The following CACNA1I variants were observed in gnomAD, a reference collection of about 807,000 sequenced individuals.
The protein encoded by CACNA1I is calcium voltage-gated channel subunit alpha1 I.
A neutral mutation model predicts 201.6 loss-of-function variants in CACNA1I; 74 were observed. That is an observed-to-expected ratio of 0.37 (90% CI 0.30 to 0.45). The LOEUF (loss-of-function observed/expected upper bound fraction) is 0.45. CACNA1I is among the 20% of genes least tolerant of loss of function. The pLI, the probability that CACNA1I is intolerant of heterozygous loss-of-function variation, is 1.00. For missense variants in CACNA1I, 2,346 were observed against 3,138.1 expected (o/e 0.75, Z 6.03); for synonymous variants, 1,431 against 1,345.2 (o/e 1.06, Z -1.40).
rs1935208196 is a variant in CACNA1I at position 39,666,688 on chromosome 22, A to G, written c.4104+682A>G. Among the ~76,000 whole-genome samples, 1 of 152,198 alleles carries G rather than the reference A, an allele frequency of 6.6e-6. No homozygotes were observed. Among genetic ancestry groups the G allele is most frequent in the South Asian group, 2.1e-4 (1 of 4,830 alleles). On this transcript the variant is annotated intron_variant, in intron 23 of 36. Transcript: ENST00000402142. This position sits in a 1 kb window ranked among gnomAD's most constrained non-coding sequence, Gnocchi z 4.1. ...TCCAGACGTAGGCGTGCCTTGCCCC[A>G]GGGCACACAGGGAGGAGCAGGCTCC...
chr22:39,654,331 G>A (rs185186790), intron 10 of CACNA1I, among the ~76,000 whole-genome samples: 1 of 152,328 alleles, frequency 6.6e-6, no homozygotes, highest in African/African-American at 2.4e-5. Flanking sequence ...AGCTGGGCAG[G>A]GCTGCCCTGC....
intron 1 of CACNA1I, among the ~76,000 whole-genome samples, chr22:39,589,144 C>G (rs182516052): frequency 2.0e-5 from 3 of 152,284 alleles, no homozygotes; most frequent in African/African-American, 7.2e-5. Context: ...CAGACACGGC[C>G]AAATGTCCCT....
intron 4 of CACNA1I, among the ~76,000 whole-genome samples, chr22:39,620,053 A>ATCCATCCATCCC (rs57332853): frequency 1.1e-5 from 1 of 89,516 alleles, no homozygotes; most frequent in Non-Finnish European, 2.4e-5. Context: ...CCATCCATCC[A>ATCCATCCATCCC]CCCACCCACC....
intron 23 of CACNA1I, 140 bp from the exon 24 acceptor site, chr22:39,668,152 G>A (rs1935253459): frequency 4.9e-6 from 3 of 606,994 alleles, no homozygotes; most frequent in South Asian, 4.1e-5. Flanking sequence ...TTGGACGAGG[G>A]CACAGCTCTG....
chr22:39,584,395 C>A (rs534096354), intron 1 of CACNA1I, among the ~76,000 whole-genome samples: 7 of 152,200 alleles, frequency 4.6e-5, no homozygotes, highest in Non-Finnish European at 8.8e-5. Flanking sequence ...CTCTTCTGGA[C>A]GTGATGAATC....
chr22:39,603,682 T>TA (rs1275107061), intron 3 of CACNA1I, among the ~76,000 whole-genome samples: 2 of 152,110 alleles, frequency 1.3e-5, no homozygotes, highest in East Asian at 1.9e-4. Flanking sequence ...TCTGAAAAGG[T>TA]AAAAAAAGTG....
Position 39,659,933 on chromosome 22 carries a change from A to G in CACNA1I, c.2604+81A>G. 2 of 1,538,136 alleles carry G rather than the reference A, an allele frequency of 1.3e-6. No homozygotes were observed. The highest frequency in any genetic ancestry group is 1.8e-6 in the Non-Finnish European group (2 of 1,117,332). On this transcript the variant is annotated intron_variant, in intron 14 of 36. Coordinates refer to ENST00000402142, the MANE Select transcript of CACNA1I (RefSeq NM_021096.4). This position sits in a 1 kb window ranked among gnomAD's most constrained non-coding sequence, Gnocchi z 4.3. ...GAGGGAGAGGTGGCCTGGATGGGGGAGGGCTGCAATTCAAACTTCTAGCAG... is the reference window on the plus strand; with the variant it reads ...GAGGGAGAGGTGGCCTGGATGGGGGGGGGCTGCAATTCAAACTTCTAGCAG...
intron 2 of CACNA1I, among the ~76,000 whole-genome samples, chr22:39,598,941 GTTTTTTTTTTTTT>G (rs3044380): frequency 1.5e-5 from 1 of 68,242 alleles, no homozygotes; most frequent in African/African-American, 6.4e-5. Context: ...TGCCTCTTGG[GTTTTTTTTTTTTT>G]TTTTTTTTTT....
chr22:39,674,210 C>T (rs978596462), intron 29 of CACNA1I, among the ~76,000 whole-genome samples, 177 bp downstream of exon 29: 1 of 152,196 alleles, frequency 6.6e-6, no homozygotes, highest in African/African-American at 2.4e-5. Context: ...CTTTATGCCT[C>T]TTTCTTCCAG....
intron 7 of CACNA1I, among the ~76,000 whole-genome samples, chr22:39,645,508 C>T (rs1934462843): frequency 6.6e-6 from 1 of 152,124 alleles, no homozygotes; most frequent in Non-Finnish European, 1.5e-5. Flanking sequence ...GGGAGGCTCC[C>T]CAGGAAATGC....
rs777665583 is a variant in CACNA1I, at chr22:39,662,106, G to T, written c.3043G>T (p.Ala1015Ser). ...GCTCTCTGCGGAGCGCGGCGGCGGCGCCCGGGTCTGCGAGGTTGCCGCGGA... is the reference window on the plus strand; with the variant it reads ...GCTCTCTGCGGAGCGCGGCGGCGGCTCCCGGGTCTGCGAGGTTGCCGCGGA... ...SLLSAERGGG[A>S]RVCEVAADEG... is the part of the protein sequence containing the mutation. The change falls in exon 17 of 37, where the codon GCC becomes TCC. Residue 1015 changes from alanine to serine, a missense_variant. Around this residue, in one of 13 missense-constraint regions of CACNA1I, gnomAD observed 288 missense variants for 255.2 expected, o/e 1.13. Transcript: ENST00000402142. The T allele has an allele frequency of 1.2e-5, 19 of 1,526,960 alleles. No individual in the cohort carries two copies. Among genetic ancestry groups the T allele is most frequent in the Non-Finnish European group, 1.6e-5 (18 of 1,141,370 alleles). The allele number at this position is 1,526,960 out of a possible 1,614,324, so 94.6% of individuals were successfully genotyped here.
At chr22:39,595,376 C>G (rs1185644801) in intron 1 of CACNA1I, among the ~76,000 whole-genome samples, 1 of 152,072 alleles carries the variant, frequency 6.6e-6, no homozygotes, top group African/African-American at 2.4e-5. Context: ...GTAATCCCAG[C>G]ACTTTGGGAG....
Position 39,659,094 on chromosome 22 carries a change from A to C in CACNA1I, c.2308A>C (p.Met770Leu), listed in dbSNP as rs2146445266. The change falls in exon 12 of 37, where the codon ATG becomes CTG. Residue 770 changes from methionine to leucine, a missense_variant. Physicochemically the swap from Met to Leu is conservative, Grantham distance 15 (BLOSUM62 2). Around this residue, in one of 13 missense-constraint regions of CACNA1I, gnomAD observed 155 missense variants for 300.8 expected, o/e 0.52. Coordinates refer to ENST00000402142, the MANE Select transcript of CACNA1I (RefSeq NM_021096.4). This position sits in a 1 kb window ranked among gnomAD's most constrained non-coding sequence, Gnocchi z 4.3. ...CGTGGCCACCTTCTGCATGCTGCTCATGCTCTTCATCTTCATCTTCAGGTG... is the reference window on the plus strand; with the variant it reads ...CGTGGCCACCTTCTGCATGCTGCTCCTGCTCTTCATCTTCATCTTCAGGTG... ...DNVATFCMLL[M>L]LFIFIFSILG... is the part of the protein sequence containing the mutation. The C allele has an allele frequency of 1.9e-6, 3 of 1,613,068 alleles. No homozygotes were observed. The highest frequency in any genetic ancestry group is 4.5e-5 in the East Asian group (2 of 44,870).
Position 39,684,793 on chromosome 22 carries a change from G to A in CACNA1I, c.6027+295G>A. On this transcript the variant is annotated intron_variant, in intron 36 of 36. Coordinates refer to ENST00000402142, the MANE Select transcript of CACNA1I (RefSeq NM_021096.4). This position sits in a 1 kb window ranked among gnomAD's most constrained non-coding sequence, Gnocchi z 4.6. ...AGCTTGAGGGGAGGGGAGGAGAGGA[G>A]GAGGAGTACTGGAGGTTTTGCAGGG... 1 of 587,916 alleles carries A rather than the reference G, an allele frequency of 1.7e-6. No homozygotes were observed. The highest frequency in any genetic ancestry group is 2.1e-5 in the South Asian group (1 of 46,974). 36.4% of individuals were successfully genotyped at this position (587,916 alleles called of 1,614,324 possible). A position where few individuals can be genotyped will look rare whatever the true frequency, so the allele number is the denominator to read the frequency against.
intron 3 of CACNA1I, among the ~76,000 whole-genome samples, chr22:39,610,970 T>C (rs1933370481): frequency 6.6e-6 from 1 of 152,120 alleles, no homozygotes; most frequent in African/African-American, 2.4e-5. Flanking sequence ...GCAGAGCTCC[T>C]ATAGGCCAGA....
chr22:39,585,726 A>ATTTTTTTTTT (rs1439172512), intron 1 of CACNA1I, among the ~76,000 whole-genome samples: 1 of 68,268 alleles, frequency 1.5e-5, no homozygotes, highest in Non-Finnish European at 2.9e-5. Context: ...AAACTTTTAA[A>ATTTTTTTTTT]GTTTTTTTTT....
At position 39,663,741 on chromosome 22, in the gene CACNA1I, T is replaced by C. The variant is rs766232777; in HGVS notation, c.3497T>C (p.Ile1166Thr). The C allele has an allele frequency of 1.9e-6, 2 of 1,047,888 alleles. No homozygotes were observed. Among genetic ancestry groups the C allele is most frequent in the Non-Finnish European group, 2.8e-6 (2 of 724,130 alleles). The allele number at this position is 1,047,888 out of a possible 1,614,324, so 64.9% of individuals were successfully genotyped here. A position where few individuals can be genotyped will look rare whatever the true frequency, so the allele number is the denominator to read the frequency against. ...ENRFRVLCQT[I>T]IAHKLFDYVV... ...AGGTTCCGGGTCCTGTGTCAGACCA[T>C]TATTGCCCACAAACTCTTCGACTAC... Residue 1166 changes from isoleucine (I) to threonine (T), a missense_variant, in exon 19 of 37, where the codon ATT becomes ACT. Ile to Thr is a moderately conservative substitution (Grantham distance 89). Transcript: ENST00000402142.
At chr22:39,626,451 C>A (rs1474372211) in intron 4 of CACNA1I, among the ~76,000 whole-genome samples, 1 of 152,068 alleles carries the variant, frequency 6.6e-6, no homozygotes, top group Non-Finnish European at 1.5e-5. Flanking sequence ...AGAGGGTGTG[C>A]CTGGCAGATA....
Position 39,662,011 on chromosome 22 carries a change from C to T in CACNA1I, c.2948C>T (p.Ala983Val). 6.4e-7 allele frequency: 1 copy of T among 1,563,686 alleles called. No homozygotes were observed. The highest frequency in any genetic ancestry group is 1.2e-5 in the South Asian group (1 of 85,620). The change falls in exon 17 of 37, where the codon GCC becomes GTC. Residue 983 changes from alanine (A) to valine (V), a missense_variant. Physicochemically the swap from Ala to Val is moderately conservative, Grantham distance 64 (BLOSUM62 0). Transcript: ENST00000402142. ...SYYGPWGRSAAWASRRSSWNS... is the reference protein window; with the variant it reads ...SYYGPWGRSAVWASRRSSWNS... ...TACGGGCCATGGGGCCGCAGCGCGG[C>T]CTGGGCCAGCCGTCGCTCCAGCTGG... is the stretch of plus-strand genomic sequence containing the variant.
Sources: allele counts gnomAD v4.1 joint callset (sites outside exome capture counted in the v4.1 genomes callset), GRCh38; gene constraint gnomAD v4.1.1; regional missense constraint gnomAD v4.1.1; non-coding constraint Gnocchi (gnomAD v3.1); transcripts MANE v1.5; gene names NCBI Gene and HGNC (gene_info 2026-07-23, HGNC 2026-07-21).